MLLT6: variants seen among roughly 807,000 people sequenced by gnomAD.
MLLT6 encodes the protein protein AF-17.
A neutral mutation model predicts 103.0 loss-of-function variants in MLLT6; 22 were observed. That is an observed-to-expected ratio of 0.21 (90% CI 0.15 to 0.31). MLLT6 has a LOEUF of 0.31. MLLT6 is among the 10% of genes least tolerant of loss of function. The pLI, the probability that MLLT6 is intolerant of heterozygous loss-of-function variation, is 1.00. For missense variants in MLLT6, 1,199 were observed against 1,441.7 expected (o/e 0.83, Z 2.73); for synonymous variants, 606 against 623.5 (o/e 0.97, Z 0.42).
At chr17:38,712,994 G>A (rs1905196487) in intron 8 of MLLT6, 3 of 776,528 alleles carry the variant, frequency 3.9e-6, no homozygotes, top group Non-Finnish European at 7.2e-6. Context: ...ATGGGATTGG[G>A]AGTTTGGGGT....
chr17:38,723,352 C>T (rs917923145), intron 18 of MLLT6, among the ~76,000 whole-genome samples: 5 of 151,954 alleles, frequency 3.3e-5, no homozygotes, highest in Admixed American at 1.3e-4. Flanking sequence ...ATTAGCTGGG[C>T]GTGGTGGTGC....
chr17:38,710,151 C>G (rs969356213), intron 6 of MLLT6, among the ~76,000 whole-genome samples: 1 of 152,136 alleles, frequency 6.6e-6, no homozygotes, highest in African/African-American at 2.4e-5. Flanking sequence ...CTAGCGTGGA[C>G]AAAGTCCTGA....
intron 8 of MLLT6, chr17:38,714,104 A>C (rs1905235106): frequency 6.6e-6 from 1 of 152,234 alleles, no homozygotes; most frequent in Non-Finnish European, 1.5e-5. Context: ...GCATATGGAG[A>C]TTAGTCCATT....
chr17:38,725,053 C>T, intron 19 of MLLT6, 77 bp downstream of exon 19: 1 of 1,076,188 alleles, frequency 9.3e-7, no homozygotes, highest in Non-Finnish European at 1.3e-6. Context: ...GGCTTATCAT[C>T]AGGTACCTCA....
intron 7 of MLLT6, 123 bp from the exon 8 acceptor site, chr17:38,712,568 G>A: frequency 2.9e-6 from 2 of 679,846 alleles, no homozygotes; most frequent in Non-Finnish European, 5.3e-6. Flanking sequence ...CCCTCCTCAG[G>A]GAGAGATGGT....
Position 38,707,559 on chromosome 17 carries a change from C to T in MLLT6, c.244+19C>T. 6.2e-7 allele frequency: 1 copy of T among 1,613,410 alleles called. No individual in the cohort carries two copies. Among genetic ancestry groups the T allele is most frequent in the Non-Finnish European group, 8.5e-7 (1 of 1,179,396 alleles). On this transcript the variant is annotated intron_variant, in intron 3 of 19. Coordinates refer to ENST00000621332, the MANE Select transcript of MLLT6 (RefSeq NM_005937.4). ...AATGGAGGTGAGGCGGGCTCATCTG[C>T]TGAGGTCAGCAGGGCCCCCTGAGCA... is the stretch of plus-strand genomic sequence containing the variant.
At position 38,722,107 on chromosome 17, in the gene MLLT6, G is replaced by A. The variant is rs980672591; in HGVS notation, c.2672G>A (p.Ser891Asn). The A allele has an allele frequency of 9.4e-6, 13 of 1,376,018 alleles. No homozygotes were observed. The highest frequency in any genetic ancestry group is 3.2e-5 in the South Asian group (2 of 61,726). 85.2% of individuals were successfully genotyped at this position (1,376,018 alleles called of 1,614,324 possible). Residue 891 changes from serine to asparagine, a missense_variant, in exon 17 of 20, where the codon AGT (serine) becomes AAT (asparagine). By Grantham distance (46) the Ser-to-Asn change is conservative (BLOSUM62 1). Around this residue, in one of 7 missense-constraint regions of MLLT6, gnomAD observed 1,034 missense variants for 1,091.5 expected, o/e 0.95. Transcript: ENST00000621332. Reference sequence around the variant, plus strand: ...GGGCTGTTGGGGGGGCTGGCAGGCAGTGGGGGCCTGCCCCTCAATGGGCTC... The same window carrying A: ...GGGCTGTTGGGGGGGCTGGCAGGCAATGGGGGCCTGCCCCTCAATGGGCTC... Reference protein sequence around the residue: ...AEGLLGGLAGSGGLPLNGLLG... With the variant: ...AEGLLGGLAGNGGLPLNGLLG...
rs1906156481 is a variant in MLLT6, at chr17:38,728,536, T to TG, written c.*2943dup. ...CCCACCCTCAGTGAGGAGGTGTGAG[T>TG]GGGGGTGCATATAGAGGCAGTGCCT... On this transcript the variant is annotated 3_prime_UTR_variant, in exon 20 of 20. Transcript: ENST00000621332. 1 of 232,986 alleles carries TG rather than the reference T, an allele frequency of 4.3e-6. No homozygotes were observed. The highest frequency in any genetic ancestry group is 5.6e-5 in the Admixed American group (1 of 17,724). The allele number at this position is 232,986 out of a possible 1,614,324, so 14.4% of individuals were successfully genotyped here.
intron 6 of MLLT6, among the ~76,000 whole-genome samples, chr17:38,710,278 G>T (rs769124534): frequency 6.6e-6 from 1 of 152,164 alleles, no homozygotes; most frequent in Non-Finnish European, 1.5e-5. Context: ...AGGCTTCAGG[G>T]GTCCAGGGGG....
In MLLT6 at chr17:38,725,745, C is replaced by G. The variant is rs1213421407; in HGVS notation, c.*147C>G. Reference sequence around the variant, plus strand: ...GAGGTCCAGGGAGTGTGGAGAGCTCCTGGTGTCGAGGACTGAGACTGAGAG... The same window carrying G: ...GAGGTCCAGGGAGTGTGGAGAGCTCGTGGTGTCGAGGACTGAGACTGAGAG... On this transcript the variant is annotated 3_prime_UTR_variant, in exon 20 of 20. Coordinates refer to ENST00000621332, the MANE Select transcript of MLLT6 (RefSeq NM_005937.4). 9.0e-6 allele frequency: 6 copies of G among 668,108 alleles called. No homozygotes were observed. The African/African-American group carries it at 1.2e-4, about 13-fold the overall frequency. The allele number at this position is 668,108 out of a possible 1,614,324, so 41.4% of individuals were successfully genotyped here.
In MLLT6 at chr17:38,709,811, C is replaced by CA. The variant is rs1366439122; in HGVS notation, c.552+237dup. ...AAGACAAAGCTCAGACCCTGCCTGT[C>CA]AGAGTCTAGGAGGCTTCAAGGAAGA... On this transcript the variant is annotated intron_variant, in intron 6 of 19. Coordinates refer to ENST00000621332, the MANE Select transcript of MLLT6 (RefSeq NM_005937.4). This position sits in a 1 kb window ranked among gnomAD's most constrained non-coding sequence, Gnocchi z 4.3. Among the ~76,000 whole-genome samples, 3 of 152,232 alleles carry CA rather than the reference C, an allele frequency of 2.0e-5. No individual in the cohort carries two copies. The highest frequency in any genetic ancestry group is 4.8e-5 in the African/African-American group (2 of 41,460).
chr17:38,720,320 G>GGCCCCCCCCCCCC, intron 14 of MLLT6, 52 bp from the exon 15 acceptor site: 2 of 735,420 alleles, frequency 2.7e-6, no homozygotes, highest in South Asian at 1.7e-5. Context: ...CGGTCCCCTG[G>GGCCCCCCCCCCCC]CCCCGCCTCC....
chr17:38,721,765 C>G, intron 16 of MLLT6, 113 bp from the exon 17 acceptor site: 1 of 658,194 alleles, frequency 1.5e-6, no homozygotes, highest in Non-Finnish European at 2.4e-6. Context: ...TCCAGGGTGC[C>G]TGGGGGTGAA....
rs200175117 is a variant in MLLT6, at chr17:38,717,913, C to G, written c.1902C>G (p.Ala634=). The change falls in exon 12 of 20, where the codon GCC becomes GCG. Residue 634 remains alanine (A), a synonymous_variant. Coordinates refer to ENST00000621332, the MANE Select transcript of MLLT6 (RefSeq NM_005937.4). ...STHIFGTPMG[A]VNPLLSQAES... is the part of the protein sequence containing the mutation. ...ACATCTTTGGAACCCCCATGGGTGC[C>G]GTTAATCCCCTCCTCTCCCAAGCTG... 3.2e-5 allele frequency: 52 copies of G among 1,613,676 alleles called. No homozygotes were observed. Among genetic ancestry groups the G allele is most frequent in the Non-Finnish European group, 1.7e-5 (20 of 1,179,742 alleles).
At position 38,722,767 on chromosome 17, in the gene MLLT6, C is replaced by G; in HGVS notation, c.2882C>G (p.Pro961Arg). 6.2e-7 allele frequency: 1 copy of G among 1,610,396 alleles called. No individual in the cohort carries two copies. The highest frequency in any genetic ancestry group is 1.3e-5 in the African/African-American group (1 of 74,858). The change falls in exon 18 of 20, where the codon CCG becomes CGG. Residue 961 changes from proline to arginine, a missense_variant and splice_region_variant. Transcript: ENST00000621332. Reference sequence around the variant, plus strand: ...CTCCTGGCCTCCCCGCAGCTGACCCCGGTAATGCCCCTCCCTTCCCTGCCT... The same window carrying G: ...CTCCTGGCCTCCCCGCAGCTGACCCGGGTAATGCCCCTCCCTTCCCTGCCT... ...QQLLASPQLTPEHQTVVYQMI... is the reference protein window; with the variant it reads ...QQLLASPQLTREHQTVVYQMI...
chr17:38,722,648 T>TGCCC, intron 17 of MLLT6, 30 bp from the exon 18 acceptor site: 37 of 441,542 alleles, frequency 8.4e-5, no homozygotes, highest in South Asian at 2.6e-4. Flanking sequence ...CTGTGTGTTG[T>TGCCC]CCCCCCCCCA....
At chr17:38,720,312 G>GCCCCCCCCCCCCCCCCCCCCCCCCC in intron 14 of MLLT6, 60 bp from the exon 15 acceptor site, 1 of 445,632 alleles carries the variant, frequency 2.2e-6, no homozygotes, top group African/African-American at 2.1e-5. Context: ...CCCGCCCCCG[G>GCCCCCCCCCCCCCCCCCCCCCCCCC]TCCCCTGGCC....
At chr17:38,719,261 G>A (rs927691966) in intron 12 of MLLT6, 2 of 524,096 alleles carry the variant, frequency 3.8e-6, no homozygotes, top group Non-Finnish European at 6.7e-6. Flanking sequence ...GGAATTGGGC[G>A]GTGGATCTGA....
intron 1 of MLLT6, chr17:38,706,109 GT>G (rs1567921900): frequency 6.5e-6 from 1 of 153,358 alleles, no homozygotes; most frequent in Non-Finnish European, 1.5e-5. Flanking sequence ...GGAGGAAGAG[GT>G]CAAGGGGGGG....
Sources: allele counts gnomAD v4.1 joint callset (sites outside exome capture counted in the v4.1 genomes callset), GRCh38; gene constraint gnomAD v4.1.1; regional missense constraint gnomAD v4.1.1; non-coding constraint Gnocchi (gnomAD v3.1); transcripts MANE v1.5; gene names NCBI Gene and HGNC (gene_info 2026-07-23, HGNC 2026-07-21).